SND1: variants seen among roughly 807,000 people sequenced by gnomAD.
SND1 encodes the protein staphylococcal nuclease and tudor domain containing 1.
SND1 carries 38 observed loss-of-function variants against 121.7 expected under a neutral mutation model. That is an observed-to-expected ratio of 0.31 (90% CI 0.24 to 0.41). The LOEUF is 0.41. SND1 is among the 10% of genes least tolerant of loss of function. The pLI, the probability that SND1 is intolerant of heterozygous loss-of-function variation, is 1.00. For missense variants in SND1, 868 were observed against 1,184.6 expected, an observed-to-expected ratio of 0.73 and a Z score of 3.92; for synonymous variants, 401 against 447.4, an observed-to-expected ratio of 0.90 and a Z score of 1.31.
chr7:127,817,846 G>A (rs1798473703), intron 11 of SND1, among the ~76,000 whole-genome samples: 1 of 146,390 alleles, frequency 6.8e-6, no homozygotes, highest in African/African-American at 2.5e-5. Flanking sequence ...TTCTGTTGTA[G>A]TAGTTCCCAG....
At chr7:127,694,610 TGTTA>T (rs934234590) in intron 2 of SND1, 17 of 484,620 alleles carry the variant, frequency 3.5e-5, no homozygotes, top group Middle Eastern at 5.4e-4. Context: ...TTAGTGTCTG[TGTTA>T]GTTAAACCAA....
At chr7:127,665,196 T>G (rs1795391234) in intron 1 of SND1, among the ~76,000 whole-genome samples, 1 of 152,114 alleles carries the variant, frequency 6.6e-6, no homozygotes, top group Admixed American at 6.6e-5. Flanking sequence ...AACATTTTTT[T>G]TTTTTTTTGA....
chr7:127,697,212 G>A (rs1180054621), intron 3 of SND1, among the ~76,000 whole-genome samples: 3 of 152,200 alleles, frequency 2.0e-5, no homozygotes, highest in Non-Finnish European at 1.5e-5. Flanking sequence ...TTCAGAATTT[G>A]ATAAGTAAGG....
chr7:128,020,274 T>TC (rs1314109347), intron 16 of SND1, among the ~76,000 whole-genome samples: 2 of 151,990 alleles, frequency 1.3e-5, no homozygotes, highest in Non-Finnish European at 2.9e-5. Flanking sequence ...GGAAAGGCCT[T>TC]CCCCCCTCCC....
intron 12 of SND1, among the ~76,000 whole-genome samples, chr7:127,848,654 A>T (rs1415478151): frequency 6.6e-6 from 1 of 152,230 alleles, no homozygotes; most frequent in African/African-American, 2.4e-5. Context: ...CTTTCCTGTT[A>T]TTAAAGAGAA....
chr7:128,089,094 A>T (rs1415844422), intron 21 of SND1, among the ~76,000 whole-genome samples: 1 of 151,998 alleles, frequency 6.6e-6, no homozygotes, highest in Non-Finnish European at 1.5e-5. Context: ...TCACTCTGTC[A>T]CCCAGGCAGG....
intron 10 of SND1, among the ~76,000 whole-genome samples, chr7:127,775,330 C>T (rs1301073437): frequency 6.6e-6 from 1 of 151,792 alleles, no homozygotes; most frequent in African/African-American, 2.4e-5. Context: ...TCCCCCACCC[C>T]CACCTTTTTT....
At position 128,092,522 on chromosome 7, in the gene SND1, A is replaced by G. The variant is rs970504557; in HGVS notation, c.*464A>G. ...CATTCTCAAATGCCAGTGTGTTCACATCTTCGCTCTGGCCAGCCCATTCTG... is the reference window on the plus strand; with the variant it reads ...CATTCTCAAATGCCAGTGTGTTCACGTCTTCGCTCTGGCCAGCCCATTCTG... On this transcript the variant is annotated 3_prime_UTR_variant, in exon 24 of 24. Coordinates refer to ENST00000354725, the MANE Select transcript of SND1 (RefSeq NM_014390.4). This position sits in a 1 kb window ranked among gnomAD's most constrained non-coding sequence, Gnocchi z 4.9. The G allele has an allele frequency of 2.8e-5, 5 of 175,612 alleles. No individual in the cohort carries two copies. Among genetic ancestry groups the G allele is most frequent in the African/African-American group, 9.5e-5 (4 of 42,124 alleles). 10.9% of individuals were successfully genotyped at this position (175,612 alleles called of 1,614,324 possible). A position where few individuals can be genotyped will look rare whatever the true frequency, so the allele number is the denominator to read the frequency against.
intron 10 of SND1, among the ~76,000 whole-genome samples, chr7:127,774,695 C>T (rs1797582244): frequency 6.6e-6 from 1 of 151,958 alleles, no homozygotes; most frequent in African/African-American, 2.4e-5. Flanking sequence ...TCTCCTGTCT[C>T]AGCCTCTTGA....
chr7:127,867,304 A>G (rs1267317744), intron 12 of SND1, among the ~76,000 whole-genome samples: 1 of 152,070 alleles, frequency 6.6e-6, no homozygotes, highest in Non-Finnish European at 1.5e-5. Context: ...AGTATACCAC[A>G]CTTTCGTGGA....
At chr7:127,841,940 G>T (rs989233148) in intron 11 of SND1, among the ~76,000 whole-genome samples, 1 of 152,168 alleles carries the variant, frequency 6.6e-6, no homozygotes, top group East Asian at 1.9e-4. Context: ...TCATAAGAAT[G>T]ATTTACCTTA....
chr7:127,735,782 A>C (rs1009342632), intron 10 of SND1, among the ~76,000 whole-genome samples: 3 of 152,152 alleles, frequency 2.0e-5, no homozygotes, highest in Admixed American at 6.5e-5. Flanking sequence ...ATGTGCCACT[A>C]TGCCTGGCTA....
At chr7:127,906,784 A>C (rs1416714769) in intron 14 of SND1, among the ~76,000 whole-genome samples, 1 of 152,168 alleles carries the variant, frequency 6.6e-6, no homozygotes, top group Non-Finnish European at 1.5e-5. Flanking sequence ...TCAGTGTGGT[A>C]TCCTAAAGAT....
At chr7:127,927,008 CTT>C (rs761216751) in intron 14 of SND1, among the ~76,000 whole-genome samples, 5 of 152,056 alleles carry the variant, frequency 3.3e-5, no homozygotes, top group Non-Finnish European at 7.4e-5. Flanking sequence ...TGCATTGAGA[CTT>C]AGGAGGAGTC....
chr7:127,754,558 G>C (rs1797159927), intron 10 of SND1, among the ~76,000 whole-genome samples: 1 of 152,172 alleles, frequency 6.6e-6, no homozygotes, highest in Non-Finnish European at 1.5e-5. Context: ...TATCACAGTG[G>C]AGGGAAAGAG....
Position 128,015,983 on chromosome 7 carries a change from G to T in SND1, c.1779+24927G>T, listed in dbSNP as rs573499308. Among the ~76,000 whole-genome samples the T allele has an allele frequency of 6.6e-6, 1 of 152,094 alleles. No homozygotes were observed. Among genetic ancestry groups the T allele is most frequent in the Non-Finnish European group, 1.5e-5 (1 of 68,014 alleles). On this transcript the variant is annotated intron_variant, in intron 16 of 23. Transcript: ENST00000354725. This position sits in a 1 kb window ranked among gnomAD's most constrained non-coding sequence, Gnocchi z 4.5. ...ATTTGGGTCATCTGCAAACCAAAGC[G>T]ATCTCAGCAGCTGCTGGAATGCCAT...
intron 11 of SND1, among the ~76,000 whole-genome samples, chr7:127,841,800 A>G: frequency 6.6e-6 from 1 of 152,114 alleles, no homozygotes; most frequent in Non-Finnish European, 1.5e-5. Context: ...CATTTCTCAC[A>G]TTTTTACTCA....
In SND1 at chr7:128,030,678, T is replaced by C. The variant is rs554240677; in HGVS notation, c.1779+39622T>C. The C allele has an allele frequency of 3.3e-6, 5 of 1,523,334 alleles. No individual in the cohort carries two copies. In the African/African-American group the frequency reaches 5.5e-5, roughly 17 times the overall value. 94.4% of individuals were successfully genotyped at this position (1,523,334 alleles called of 1,614,324 possible). On this transcript the variant is annotated intron_variant, in intron 16 of 23. Coordinates refer to ENST00000354725, the MANE Select transcript of SND1 (RefSeq NM_014390.4). The stretch of plus-strand genomic sequence containing the variant: ...TCATAATTCACCATCGCCTGGGATT[T>C]TGGCTCGGAAAGGAGAACCAGCCCT...
intron 16 of SND1, among the ~76,000 whole-genome samples, chr7:128,071,751 C>G (rs979946705): frequency 1.3e-5 from 2 of 152,186 alleles, no homozygotes; most frequent in Non-Finnish European, 2.9e-5. Context: ...GCCCACCTTC[C>G]CCGAGTGCCT....
Sources: allele counts gnomAD v4.1 joint callset (sites outside exome capture counted in the v4.1 genomes callset), GRCh38; gene constraint gnomAD v4.1.1; non-coding constraint Gnocchi (gnomAD v3.1); transcripts MANE v1.5; gene names NCBI Gene and HGNC (gene_info 2026-07-23, HGNC 2026-07-21).